The following LMF1 variants were observed in gnomAD, a reference collection of about 807,000 sequenced individuals.
LMF1 encodes lipase maturation factor 1, also known as transmembrane protein 112.
A neutral mutation model predicts 60.6 loss-of-function variants in LMF1; 68 were observed. The observed-to-expected ratio is 1.12, with a 90% confidence interval of 0.92 to 1.37. LMF1 has a LOEUF of 1.37. Ranked by LOEUF, LMF1 falls within the 40% of genes most tolerant of loss-of-function variation. LMF1 has a pLI of 0.00. For synonymous variants in LMF1, 418 were observed against 324.7 expected, an observed-to-expected ratio of 1.29 and a Z score of -3.09; for missense variants, 948 against 767.2, an observed-to-expected ratio of 1.24 and a Z score of -2.78.
intron 9 of LMF1, chr16:869,612 T>C (rs1316024640): frequency 1.5e-6 from 1 of 655,810 alleles, no homozygotes; most frequent in African/African-American, 1.8e-5. Flanking sequence ...AGATACAGGG[T>C]CTCGCTATGG....
At chr16:925,627 T>G (rs2071571062) in intron 3 of LMF1, among the ~76,000 whole-genome samples, 1 of 152,002 alleles carries the variant, frequency 6.6e-6, no homozygotes, top group African/African-American at 2.4e-5. Context: ...CCTAGCTACT[T>G]GGGAGGCTGA....
chr16:873,187 C>T (rs192582307), intron 6 of LMF1: 19 of 152,428 alleles, frequency 1.2e-4, no homozygotes, highest in African/African-American at 3.8e-4. Context: ...AACGCAGTTC[C>T]GCGTAGAGTG....
chr16:911,743 G>A (rs571950004), intron 3 of LMF1, among the ~76,000 whole-genome samples: 2 of 149,022 alleles, frequency 1.3e-5, no homozygotes, highest in South Asian at 2.1e-4. Context: ...GCCTCCATGT[G>A]AGGCAGTGTC....
Position 954,401 on chromosome 16 carries a change from G to A in LMF1, c.459C>T (p.Ala153=), listed in dbSNP as rs757427778. The change falls in exon 2 of 11, where the codon GCC becomes GCT. Residue 153 remains alanine (A), a synonymous_variant. Transcript: ENST00000262301. ...TGCANMLLMA[A]LWGLYMSLVN... is the part of the protein sequence containing the mutation. Reference sequence around the variant, plus strand: ...CCAGGGACATGTAGAGGCCCCACAGGGCAGCCATGAGAAGCATGTTGGCGC... The same window carrying A: ...CCAGGGACATGTAGAGGCCCCACAGAGCAGCCATGAGAAGCATGTTGGCGC... 1.2e-6 allele frequency: 2 copies of A among 1,613,036 alleles called. No individual in the cohort carries two copies. The highest frequency in any genetic ancestry group is 1.7e-5 in the Admixed American group (1 of 59,956).
At chr16:889,575 TC>T (rs1440009881) in intron 5 of LMF1, among the ~76,000 whole-genome samples, 2 of 152,030 alleles carry the variant, frequency 1.3e-5, no homozygotes, top group East Asian at 3.9e-4. Context: ...AGGCTCAGCG[TC>T]CCCTACAGCA....
At chr16:977,038 A>G in intron 1 of LMF1, 1 of 454,194 alleles carries the variant, frequency 2.2e-6, no homozygotes, top group South Asian at 1.6e-5. Flanking sequence ...GGCTGCAGGC[A>G]GACGTAAGCT....
At chr16:934,181 GATAC>G in intron 3 of LMF1, 59 bp downstream of exon 3, 1 of 1,598,958 alleles carries the variant, frequency 6.3e-7, no homozygotes, top group East Asian at 2.2e-5. Flanking sequence ...AGTGCGTGAA[GATAC>G]ATACCAAACA....
At chr16:875,993 T>C (rs77956758) in intron 6 of LMF1, among the ~76,000 whole-genome samples, 7,049 of 147,626 alleles carry the variant, frequency 0.048, 432 homozygotes, top group East Asian at 0.17. Context: ...CCATTCAGGC[T>C]GGACACCCCT....
Position 869,023 on chromosome 16 carries a change from C to A in LMF1, c.1450G>T (p.Ala484Ser). The A allele has an allele frequency of 1.2e-6, 2 of 1,612,650 alleles. No homozygotes were observed. The highest frequency in any genetic ancestry group is 1.3e-5 in the African/African-American group (1 of 75,038). ...YEHNDWIIHL[A>S]GKLLASDAEA... ...GCGTCGCTGGCCAGGAGCTTGCCAG[C>A]CAGGTGGATGATCCAGTCGTTGTGC... The change falls in exon 10 of 11, where the codon GCT becomes TCT. Residue 484 changes from alanine (A) to serine (S), a missense_variant. By Grantham distance (99) the Ala-to-Ser change is moderately conservative (BLOSUM62 1). Coordinates refer to ENST00000262301, the MANE Select transcript of LMF1 (RefSeq NM_022773.4).
In LMF1 at chr16:960,508, A is replaced by C. The variant is rs77738994; in HGVS notation, c.194-5842T>G. ...ACTCACGGTGACAACACTGGATCAC[A>C]ACCCAGACACCATCTCATGGTGACA... On this transcript the variant is annotated intron_variant, in intron 1 of 10. Coordinates refer to ENST00000262301, the MANE Select transcript of LMF1 (RefSeq NM_022773.4). Among the ~76,000 whole-genome samples the C allele has an allele frequency of 1.7e-4, 19 of 112,548 alleles. 2 individuals carry two copies. The highest frequency in any genetic ancestry group is 3.7e-4 in the Non-Finnish European group (19 of 51,798). The allele number at this position is 112,548 out of a possible 152,430, so 73.8% of individuals were successfully genotyped here. A position where few individuals can be genotyped will look rare whatever the true frequency, so the allele number is the denominator to read the frequency against.
At chr16:979,237 AT>A in intron 1 of LMF1, 1 of 379,804 alleles carries the variant, frequency 2.6e-6, no homozygotes. Flanking sequence ...GGACGAGGTC[AT>A]TTTCCTGGGG....
chr16:855,692 C>G (rs576600312), intron 10 of LMF1: 1 of 455,872 alleles, frequency 2.2e-6, no homozygotes, highest in South Asian at 1.5e-5. Flanking sequence ...CCCAGCTGCC[C>G]GGTGGGTGTG....
intron 6 of LMF1, among the ~76,000 whole-genome samples, chr16:875,823 A>G (rs2069956182): frequency 6.6e-6 from 1 of 152,288 alleles, no homozygotes; most frequent in South Asian, 2.1e-4. Context: ...GGGGCAGCAC[A>G]GCCCACGCAG....
intron 6 of LMF1, chr16:873,558 T>C (rs1364591724): frequency 6.6e-6 from 1 of 151,114 alleles, no homozygotes; most frequent in African/African-American, 2.4e-5. Flanking sequence ...AGGTGGCTTG[T>C]GGGGACCCTC....
At chr16:955,737 G>A (rs1418359136) in intron 1 of LMF1, among the ~76,000 whole-genome samples, 7 of 152,294 alleles carry the variant, frequency 4.6e-5, no homozygotes, top group African/African-American at 7.2e-5. Flanking sequence ...TATAAATTGC[G>A]TGCCTGGCTA....
At chr16:957,747 A>G (rs970089567) in intron 1 of LMF1, among the ~76,000 whole-genome samples, 1 of 152,228 alleles carries the variant, frequency 6.6e-6, no homozygotes, top group Non-Finnish European at 1.5e-5. Context: ...CGCAGAACTC[A>G]ATGGAATGGA....
chr16:856,338 G>C (rs1490680281), intron 10 of LMF1, among the ~76,000 whole-genome samples: 1 of 152,198 alleles, frequency 6.6e-6, no homozygotes, highest in African/African-American at 2.4e-5. Context: ...GTCGACCTCT[G>C]AGCAGCTCAG....
intron 5 of LMF1, among the ~76,000 whole-genome samples, chr16:889,285 G>C (rs192829915): frequency 1.3e-5 from 2 of 152,120 alleles, no homozygotes; most frequent in Non-Finnish European, 1.5e-5. Flanking sequence ...TGGCTTAACC[G>C]ACTGAATTTG....
chr16:876,179 C>A (rs568048537), intron 6 of LMF1, among the ~76,000 whole-genome samples: 1 of 152,248 alleles, frequency 6.6e-6, no homozygotes, highest in South Asian at 2.1e-4. Flanking sequence ...ACGGGCGTCT[C>A]GGAACCGAAG....
Sources: gnomAD v4.1 joint callset for allele counts (sites outside exome capture counted in the v4.1 genomes callset) on GRCh38, gnomAD v4.1.1 for gene constraint, MANE v1.5 for transcripts, NCBI Gene and HGNC (gene_info 2026-07-23, HGNC 2026-07-21) for gene names.